DNAH14: variants seen among roughly 807,000 people sequenced by gnomAD.
DNAH14 encodes dynein axonemal heavy chain 14, also known as axonemal beta dynein heavy chain 14.
A neutral mutation model predicts 520.9 loss-of-function variants in DNAH14; 478 were observed. The ratio of observed to expected loss-of-function variants is 0.92; its 90% CI spans 0.85 to 0.99. The LOEUF (loss-of-function observed/expected upper bound fraction) is 0.99, where lower values mean the gene tolerates loss of function less well. Among genes scored for constraint, DNAH14 ranks in the 50% least tolerant of loss-of-function variants. The pLI is 0.00. For missense variants in DNAH14, 4,831 were observed against 5,234.5 expected, an observed-to-expected ratio of 0.92 and a Z score of 2.38; for synonymous variants, 1,581 against 1,757.2, an observed-to-expected ratio of 0.90 and a Z score of 2.51.
At chr1:224,997,786 G>C (rs922856218) in intron 8 of DNAH14, among the ~76,000 whole-genome samples, 1 of 151,494 alleles carries the variant, frequency 6.6e-6, no homozygotes, top group African/African-American at 2.4e-5. Flanking sequence ...AAGTTTTAGG[G>C]TACTATGCAG....
At position 225,201,874 on chromosome 1, in the gene DNAH14, T is replaced by TTTTC. The variant is rs71170065; in HGVS notation, c.5887-2306_5887-2305insCTTT. Among the ~76,000 whole-genome samples the TTTTC allele has an allele frequency of 7.3e-5, 4 of 55,042 alleles. No individual in the cohort carries two copies. In the African/African-American group the frequency reaches 9.9e-4, roughly 14 times the overall value. 36.1% of individuals were successfully genotyped at this position (55,042 alleles called of 152,430 possible). On this transcript the variant is annotated intron_variant, in intron 38 of 85. Transcript: ENST00000682510. ...CAGGAGGTAGCACTTTCTTTCTTCCTTTTTTTTTTTTTTTTTTTGAGACGA... is the reference window on the plus strand; with the variant it reads ...CAGGAGGTAGCACTTTCTTTCTTCCTTTTCTTTTTTTTTTTTTTTTTTGAGACGA...
intron 54 of DNAH14, among the ~76,000 whole-genome samples, chr1:225,285,413 T>A (rs1259058978): frequency 6.6e-6 from 1 of 151,950 alleles, no homozygotes; most frequent in Non-Finnish European, 1.5e-5. Flanking sequence ...CTGGGCATGG[T>A]GGCACACACC....
intron 69 of DNAH14, among the ~76,000 whole-genome samples, chr1:225,344,332 T>C (rs1334288392): frequency 6.6e-6 from 1 of 152,132 alleles, no homozygotes; most frequent in East Asian, 1.9e-4. Flanking sequence ...CACTCAGGTA[T>C]TAAGCCCAGT....
In DNAH14 at chr1:224,945,522, G is replaced by A. The variant is rs141081556; in HGVS notation, c.-33-7148G>A. 6.6e-3 allele frequency among the ~76,000 whole-genome samples: 1,000 copies of A among 152,230 alleles called. 6 individuals are homozygous for A. Among genetic ancestry groups the A allele is most frequent in the Non-Finnish European group, 0.01 (684 of 68,020 alleles). ...GTCATTCTCCGTCCAGCTTTGTTCC[G>A]TTGTTGGTGAGGAGCTGTGTTCCTC... On this transcript the variant is annotated intron_variant, in intron 1 of 85. Coordinates refer to ENST00000682510, the MANE Select transcript of DNAH14 (RefSeq NM_001367479.1).
intron 1 of DNAH14, among the ~76,000 whole-genome samples, chr1:224,938,074 T>G (rs2059155960): frequency 6.6e-6 from 1 of 152,150 alleles, no homozygotes; most frequent in Non-Finnish European, 1.5e-5. Flanking sequence ...GACCTGAATC[T>G]AAGAACTGAA....
At position 225,082,732 on chromosome 1, in the gene DNAH14, C is replaced by T; in HGVS notation, c.3320C>T (p.Ala1107Val). The stretch of plus-strand genomic sequence containing the variant: ...AACTGTAAAGTAGAGAATCTTCTAG[C>T]TCTCAAGGTAAATAAAAATGGTTTT... ...DKNCKVENLL[A>V]LKMFQYENEI... is the part of the protein sequence containing the mutation. Residue 1107 changes from alanine to valine, a missense_variant, in exon 20 of 86, where the codon GCT becomes GTT. Coordinates refer to ENST00000682510, the MANE Select transcript of DNAH14 (RefSeq NM_001367479.1). The T allele has an allele frequency of 1.3e-6, 2 of 1,534,898 alleles. No individual in the cohort carries two copies. The highest frequency in any genetic ancestry group is 1.7e-6 in the Non-Finnish European group (2 of 1,142,944).
At chr1:225,126,123 T>A (rs551412977) in intron 27 of DNAH14, among the ~76,000 whole-genome samples, 45 of 152,322 alleles carry the variant, frequency 3.0e-4, no homozygotes, top group African/African-American at 1.0e-3. Context: ...GATCATTAAT[T>A]GCAGATCACC....
chr1:225,171,258 A>G (rs2082616730), intron 36 of DNAH14, among the ~76,000 whole-genome samples: 1 of 152,232 alleles, frequency 6.6e-6, no homozygotes, highest in Admixed American at 6.5e-5. Flanking sequence ...AAGGCAAGAA[A>G]TAACTAAGAT....
intron 3 of DNAH14, among the ~76,000 whole-genome samples, chr1:224,955,677 C>T (rs1039856184): frequency 6.6e-6 from 1 of 152,154 alleles, no homozygotes; most frequent in African/African-American, 2.4e-5. Flanking sequence ...AACTGTACCT[C>T]CTCTCCTTTA....
chr1:225,357,929 T>A (rs1220504932), intron 73 of DNAH14: 1 of 688,064 alleles, frequency 1.5e-6, no homozygotes, highest in African/African-American at 1.8e-5. Flanking sequence ...AAATTTTCAA[T>A]GATTTCCAGT....
chr1:225,139,494 T>C lies in DNAH14; in HGVS notation c.4255-1274T>C, dbSNP rs534830837. Among the ~76,000 whole-genome samples, 172 of 152,346 alleles carry C rather than the reference T, an allele frequency of 1.1e-3. 1 individual carries two copies. Among genetic ancestry groups the C allele is most frequent in the African/African-American group, 4.0e-3 (166 of 41,576 alleles). The stretch of plus-strand genomic sequence containing the variant: ...CCCCTTTCTCTTGCACTTCTACGTA[T>C]GTCACATGACTAGGAGTTGTCTCTG... On this transcript the variant is annotated intron_variant, in intron 27 of 85. Transcript: ENST00000682510.
At chr1:225,148,379 T>G (rs889427395) in intron 31 of DNAH14, among the ~76,000 whole-genome samples, 5 of 150,514 alleles carry the variant, frequency 3.3e-5, no homozygotes, top group South Asian at 2.1e-4. Context: ...TTTTCTCTAA[T>G]GATCAGTAAT....
At chr1:225,079,796 C>G (rs1286664507) in intron 18 of DNAH14, among the ~76,000 whole-genome samples, 3 of 151,516 alleles carry the variant, frequency 2.0e-5, no homozygotes, top group East Asian at 1.9e-4. Context: ...GCCTCAGCCT[C>G]CCGAGTAGCT....
intron 46 of DNAH14, among the ~76,000 whole-genome samples, chr1:225,263,680 A>T (rs1339911223): frequency 6.6e-6 from 1 of 152,126 alleles, no homozygotes; most frequent in Non-Finnish European, 1.5e-5. Context: ...AATAATTTTG[A>T]AATATTTAAT....
In DNAH14 at chr1:225,273,090, C is replaced by T. The variant is rs1208051761; in HGVS notation, c.7975C>T (p.Arg2659Trp). ...IDFTDKSLFY[R>W]LLSRELENCF... ...TTTCACTGATAAAAGCCTTTTCTAT[C>T]GGTTGCTTTCAAGGGAACTTGAGAA... is the stretch of plus-strand genomic sequence containing the variant. The change falls in exon 52 of 86, where the codon CGG becomes TGG. Residue 2659 changes from arginine to tryptophan, a missense_variant. By Grantham distance (101) the Arg-to-Trp change is moderately radical (BLOSUM62 -3). Transcript: ENST00000682510. 1 of 1,550,250 alleles carries T rather than the reference C, an allele frequency of 6.5e-7. No homozygotes were observed. Among genetic ancestry groups the T allele is most frequent in the East Asian group, 2.4e-5 (1 of 40,888 alleles).
chr1:225,213,278 T>C (rs2088738081), intron 41 of DNAH14, among the ~76,000 whole-genome samples: 2 of 152,206 alleles, frequency 1.3e-5, no homozygotes, highest in Admixed American at 6.5e-5. Context: ...ATCTCTGTTT[T>C]GGTACCCGTA....
At chr1:225,122,735 A>G (rs1368036161) in intron 26 of DNAH14, among the ~76,000 whole-genome samples, 1 of 152,198 alleles carries the variant, frequency 6.6e-6, no homozygotes. Flanking sequence ...CTGCTTTGAA[A>G]TGTATAAAAA....
chr1:225,393,107 A>T (rs1464226595), intron 84 of DNAH14, among the ~76,000 whole-genome samples: 2 of 152,354 alleles, frequency 1.3e-5, no homozygotes, highest in African/African-American at 4.8e-5. Flanking sequence ...GGGTTGGGAG[A>T]CATTGGTTTA....
intron 1 of DNAH14, among the ~76,000 whole-genome samples, chr1:224,945,872 C>T (rs866111051): frequency 5.3e-5 from 8 of 152,284 alleles, no homozygotes; most frequent in Admixed American, 1.3e-4. Flanking sequence ...GAGGAGTACC[C>T]GGCCGTGTGA....
Sources: allele counts gnomAD v4.1 joint callset (sites outside exome capture counted in the v4.1 genomes callset), GRCh38; gene constraint gnomAD v4.1.1; transcripts MANE v1.5; gene names NCBI Gene and HGNC (gene_info 2026-07-23, HGNC 2026-07-21).